DLC1: variants seen among roughly 807,000 people sequenced by gnomAD.
The protein encoded by DLC1 is DLC1 Rho GTPase activating protein.
Under a neutral mutation model 140.3 loss-of-function variants are expected in DLC1, and 54 were observed. The observed-to-expected ratio is 0.38, with a 90% CI of 0.31 to 0.48. The LOEUF (loss-of-function observed/expected upper bound fraction) is 0.48. DLC1 is among the 20% of genes least tolerant of loss of function. DLC1 has a pLI of 0.96. For synonymous variants in DLC1, 986 were observed against 728.1 expected, an observed-to-expected ratio of 1.35 and a Z score of -5.70; for missense variants, 2,536 against 1,907.0, an observed-to-expected ratio of 1.33 and a Z score of -6.14.
chr8:13,511,746 G>A (rs1378676732), intron 1 of DLC1, among the ~76,000 whole-genome samples: 1 of 151,958 alleles, frequency 6.6e-6, no homozygotes, highest in East Asian at 1.9e-4. Context: ...TCTCTATTTT[G>A]ATAATAAAAT....
At chr8:13,550,288 C>T (rs893832218) in intron 1 of DLC1, among the ~76,000 whole-genome samples, 1 of 152,026 alleles carries the variant, frequency 6.6e-6, no homozygotes, top group East Asian at 1.9e-4. Context: ...GCTTCTCTCC[C>T]CTGCTGCCAT....
At chr8:13,406,550 A>C (rs1406008695) in intron 2 of DLC1, among the ~76,000 whole-genome samples, 1 of 152,220 alleles carries the variant, frequency 6.6e-6, no homozygotes, top group South Asian at 2.1e-4. Flanking sequence ...CAAATATTTC[A>C]AGAATGATGT....
chr8:13,303,181 G>A (rs1832272267), intron 5 of DLC1, among the ~76,000 whole-genome samples: 2 of 152,234 alleles, frequency 1.3e-5, no homozygotes, highest in African/African-American at 4.8e-5. Flanking sequence ...AATTCATTCT[G>A]GAGTAAATTC....
rs368851439 is a variant in DLC1, at chr8:13,579,959, C to G, written c.-126+24578G>C. Among the ~76,000 whole-genome samples the G allele has an allele frequency of 3.9e-5, 6 of 152,060 alleles. No homozygotes were observed. In the South Asian group the frequency reaches 1.2e-3, roughly 32 times the overall value. ...TGGTGACAGGATAGGAGTTATTCCT[C>G]TTAGCCTAGTATCAGTCATGGACTA... On this transcript the variant is annotated intron_variant, in intron 1 of 1. Coordinates refer to the DLC1 transcript ENST00000631382.
At chr8:13,469,124 C>T (rs1237402985) in intron 2 of DLC1, among the ~76,000 whole-genome samples, 1 of 152,086 alleles carries the variant, frequency 6.6e-6, no homozygotes, top group African/African-American at 2.4e-5. Flanking sequence ...CAGCCTGTGT[C>T]TGCTTTTTAT....
At chr8:13,176,899 G>C (rs991752506) in intron 5 of DLC1, among the ~76,000 whole-genome samples, 14 of 152,234 alleles carry the variant, frequency 9.2e-5, no homozygotes, top group Non-Finnish European at 2.1e-4. Context: ...AGAACTGGCT[G>C]TTGCTGGGTT....
chr8:13,296,890 G>A (rs917492723), intron 5 of DLC1, among the ~76,000 whole-genome samples: 1 of 151,898 alleles, frequency 6.6e-6, no homozygotes, highest in African/African-American at 2.4e-5. Flanking sequence ...CATATTAAAA[G>A]AGAAATTGTC....
At chr8:13,552,697 C>G (rs921379028) in intron 1 of DLC1, among the ~76,000 whole-genome samples, 8 of 151,568 alleles carry the variant, frequency 5.3e-5, no homozygotes, top group Admixed American at 1.3e-4. Flanking sequence ...AAAATTACTA[C>G]AGGAAAATGT....
intron 1 of DLC1, among the ~76,000 whole-genome samples, chr8:13,524,152 T>C (rs1435660292): frequency 7.5e-6 from 1 of 133,032 alleles, no homozygotes; most frequent in Non-Finnish European, 1.6e-5. Context: ...TTATTATTAT[T>C]ATTGAGTCAG....
At chr8:13,269,670 C>G (rs1338085093) in intron 5 of DLC1, among the ~76,000 whole-genome samples, 2 of 140,042 alleles carry the variant, frequency 1.4e-5, no homozygotes, top group African/African-American at 5.5e-5. Flanking sequence ...TACTACTGCA[C>G]TCCAACCTGG....
intron 1 of DLC1, among the ~76,000 whole-genome samples, chr8:13,522,142 T>C (rs893338301): frequency 6.6e-6 from 1 of 152,166 alleles, no homozygotes; most frequent in Non-Finnish European, 1.5e-5. Flanking sequence ...GAATGTTTCC[T>C]GGTACTGCGC....
chr8:13,110,766 C>T lies in DLC1; in HGVS notation c.1478G>A (p.Arg493Lys). The change falls in exon 7 of 18, where the codon AGA becomes AAA. Residue 493 changes from arginine (R) to lysine (K), a missense_variant. Coordinates refer to ENST00000276297, the MANE Select transcript of DLC1 (RefSeq NM_182643.3). Reference protein sequence around the residue: ...LVKREHDFLDRDAIEALCRRL... With the variant: ...LVKREHDFLDKDAIEALCRRL... ...CCTGCATAGAGCCTCAATGGCATCT[C>T]TGTCCAAAAAATCATGCTCTCTCTT... is the stretch of plus-strand genomic sequence containing the variant. 3 of 1,614,046 alleles carry T rather than the reference C, an allele frequency of 1.9e-6. No individual in the cohort carries two copies. Among genetic ancestry groups the T allele is most frequent in the Non-Finnish European group, 2.5e-6 (3 of 1,180,006 alleles).
rs76713342 is a variant in DLC1 at position 13,427,228 on chromosome 8, C to G, written c.1024-25609G>C. On this transcript the variant is annotated intron_variant, in intron 2 of 17. Transcript: ENST00000276297. ...AGTTGTTTTCCCAAACTGTCATTGA[C>G]TATCAATGCATTGCCCCATGCCTCC... Among the ~76,000 whole-genome samples, 446 of 152,296 alleles carry G rather than the reference C, an allele frequency of 2.9e-3. 4 individuals carry two copies. Among genetic ancestry groups the G allele is most frequent in the African/African-American group, 9.8e-3 (409 of 41,574 alleles).
At chr8:13,132,156 C>T (rs1454558706) in intron 5 of DLC1, among the ~76,000 whole-genome samples, 2 of 151,662 alleles carry the variant, frequency 1.3e-5, no homozygotes, top group African/African-American at 4.9e-5. Context: ...CCCAAGGGGG[C>T]ATTTCAGGGA....
rs146233654 is a variant in DLC1, at chr8:13,524,916, C to T, written c.-125-24720G>A. On this transcript the variant is annotated intron_variant, in intron 1 of 1. Coordinates refer to the DLC1 transcript ENST00000631382. ...TGACAAATTCATATGCCTGTGATATCATTGCCACAAACAAAATAATGAACA... is the reference window on the plus strand; with the variant it reads ...TGACAAATTCATATGCCTGTGATATTATTGCCACAAACAAAATAATGAACA... Among the ~76,000 whole-genome samples the T allele has an allele frequency of 6.6e-5, 10 of 152,240 alleles. No homozygotes were observed. The East Asian group carries it at 1.9e-3, about 29-fold the overall frequency.
chr8:13,585,634 G>A (rs1341500610), intron 1 of DLC1, among the ~76,000 whole-genome samples: 1 of 152,192 alleles, frequency 6.6e-6, no homozygotes, highest in African/African-American at 2.4e-5. Context: ...ACCAGGGTTT[G>A]TTCCTTGTGA....
At chr8:13,235,608 A>C (rs1052601594) in intron 5 of DLC1, among the ~76,000 whole-genome samples, 1 of 152,020 alleles carries the variant, frequency 6.6e-6, no homozygotes, top group African/African-American at 2.4e-5. Context: ...ACTGAAATTT[A>C]ATAATAATTA....
intron 5 of DLC1, among the ~76,000 whole-genome samples, chr8:13,117,778 T>A (rs192377762): frequency 3.3e-5 from 5 of 152,338 alleles, no homozygotes; most frequent in African/African-American, 1.2e-4. Flanking sequence ...TGAGCCCACA[T>A]ACAAAAGCCT....
intron 2 of DLC1, among the ~76,000 whole-genome samples, chr8:13,417,207 TTTA>T (rs975355303): frequency 2.2e-3 from 331 of 151,804 alleles, no homozygotes; most frequent in African/African-American, 7.6e-3. Context: ...CCTACTTTTC[TTTA>T]TTATTATTAT....
Sources: gnomAD v4.1 joint callset for allele counts (sites outside exome capture counted in the v4.1 genomes callset) on GRCh38, gnomAD v4.1.1 for gene constraint, MANE v1.5 for transcripts, NCBI Gene and HGNC (gene_info 2026-07-23, HGNC 2026-07-21) for gene names.